Variants in SASH1 observed in about 807,000 individuals in gnomAD.
SASH1 encodes the protein SAM and SH3 domain-containing protein 1.
SASH1 carries 44 observed loss-of-function variants against 125.2 expected under a neutral mutation model. The ratio of observed to expected loss-of-function variants is 0.35; its 90% CI spans 0.28 to 0.45. The LOEUF (loss-of-function observed/expected upper bound fraction) is 0.45. Ranked by LOEUF, SASH1 falls within the 20% of genes least tolerant of loss-of-function variation. The pLI is 1.00. For synonymous variants in SASH1, 639 were observed against 649.1 expected (o/e 0.98, Z 0.24); for missense variants, 1,426 against 1,614.5 (o/e 0.88, Z 2.00).
intron 2 of SASH1, among the ~76,000 whole-genome samples, chr6:148,423,522 G>A (rs959359189): frequency 3.3e-5 from 5 of 152,172 alleles, no homozygotes; most frequent in African/African-American, 1.2e-4. Context: ...ATCTATTAGA[G>A]GAACCATTCA....
chr6:148,305,736 A>G (rs1310424993), intron 1 of SASH1, among the ~76,000 whole-genome samples: 1 of 152,218 alleles, frequency 6.6e-6, no homozygotes, highest in Non-Finnish European at 1.5e-5. Context: ...CAAGAGTCAA[A>G]TAAGGGGACT....
At chr6:148,195,831 G>A in the SASH1 span, among the ~76,000 whole-genome samples, 1 of 152,198 alleles carries the variant, frequency 6.6e-6, no homozygotes, top group Admixed American at 6.5e-5. Context: ...TGAACCAATG[G>A]CTACTCAACC....
chr6:148,461,848 T>G (rs2115082800), intron 4 of SASH1, among the ~76,000 whole-genome samples: 1 of 152,346 alleles, frequency 6.6e-6, no homozygotes, highest in African/African-American at 2.4e-5. Flanking sequence ...GAGGAATTAC[T>G]TCTTTAACAT....
chr6:148,306,816 A>C (rs1446285676), intron 1 of SASH1, among the ~76,000 whole-genome samples: 1 of 152,124 alleles, frequency 6.6e-6, no homozygotes, highest in Non-Finnish European at 1.5e-5. Flanking sequence ...GCTGCACTCA[A>C]GAATTGGGAG....
Position 148,458,966 on chromosome 6 carries a change from CAAA to C in SASH1, c.387-9568_387-9566del, listed in dbSNP as rs36114725. On this transcript the variant is annotated intron_variant, in intron 4 of 19. Coordinates refer to ENST00000367467, the MANE Select transcript of SASH1 (RefSeq NM_015278.5). ...TGGGTGATAGAGCAAGAACCTGTCTCAAAAAAAAAAAAAGTATACACACACACA... is the reference window on the plus strand; with the variant it reads ...TGGGTGATAGAGCAAGAACCTGTCTCAAAAAAAAAAGTATACACACACACA... Among the ~76,000 whole-genome samples the C allele has an allele frequency of 1.4e-3, 186 of 132,912 alleles. 1 individual carries two copies. In the East Asian group the frequency reaches 0.022, roughly 16 times the overall value. The allele number at this position is 132,912 out of a possible 152,430, so 87.2% of individuals were successfully genotyped here.
intron 1 of SASH1, among the ~76,000 whole-genome samples, chr6:148,382,032 C>T (rs1001490686): frequency 2.6e-5 from 4 of 152,168 alleles, no homozygotes; most frequent in Non-Finnish European, 4.4e-5. Context: ...GGGGATTGTA[C>T]TGCGTTCACC....
the SASH1 span, among the ~76,000 whole-genome samples, chr6:148,263,618 C>T: frequency 0.042 from 6,367 of 152,250 alleles, 185 homozygotes; most frequent in Non-Finnish European, 0.059. Flanking sequence ...ACAGCTAAGG[C>T]GAAGCGTCTG....
intron 1 of SASH1, among the ~76,000 whole-genome samples, chr6:148,298,247 G>C (rs975889167): frequency 1.1e-4 from 17 of 151,984 alleles, no homozygotes; most frequent in African/African-American, 4.1e-4. Flanking sequence ...TCCTGACCTT[G>C]GGTGATCTGC....
intron 2 of SASH1, among the ~76,000 whole-genome samples, chr6:148,422,443 A>T (rs545551570): frequency 6.6e-6 from 1 of 152,210 alleles, no homozygotes; most frequent in Non-Finnish European, 1.5e-5. Context: ...GTGGCTGTGG[A>T]TGAATGAACA....
intron 11 of SASH1, among the ~76,000 whole-genome samples, chr6:148,525,729 C>T (rs1781104293): frequency 6.6e-6 from 1 of 152,230 alleles, no homozygotes; most frequent in African/African-American, 2.4e-5. Flanking sequence ...CACATAGTGC[C>T]ATGAAGTGGA....
the SASH1 span, among the ~76,000 whole-genome samples, chr6:148,206,793 G>GCACACACACACACACACACACA: frequency 7.4e-6 from 1 of 134,460 alleles, no homozygotes; most frequent in African/African-American, 2.8e-5. Context: ...CCATCTCAAA[G>GCACACACACACACACACACACA]CACACACACA....
intron 1 of SASH1, among the ~76,000 whole-genome samples, chr6:148,283,041 C>CTT (rs1779386331): frequency 6.6e-6 from 1 of 152,204 alleles, no homozygotes; most frequent in South Asian, 2.1e-4. Context: ...AAGCCAACTG[C>CTT]TTCCCAATTT....
intron 1 of SASH1, 110 bp from the exon 2 acceptor site, chr6:148,390,024 C>G (rs1783633692): frequency 6.9e-6 from 9 of 1,304,936 alleles, no homozygotes; most frequent in Admixed American, 4.2e-5. Context: ...ATGTTTCCCA[C>G]TTAAATACCA....
intron 1 of SASH1, among the ~76,000 whole-genome samples, chr6:148,389,596 C>T (rs1253597206): frequency 6.6e-6 from 1 of 152,162 alleles, no homozygotes; most frequent in Non-Finnish European, 1.5e-5. Flanking sequence ...AGATTTGTCC[C>T]AGATGCAATT....
At chr6:148,213,809 A>G in the SASH1 span, among the ~76,000 whole-genome samples, 1 of 151,966 alleles carries the variant, frequency 6.6e-6, no homozygotes, top group East Asian at 1.9e-4. Flanking sequence ...TTTGCAAACC[A>G]CTGTCAGGGC....
chr6:148,222,719 A>C, the SASH1 span, among the ~76,000 whole-genome samples: 1 of 152,150 alleles, frequency 6.6e-6, no homozygotes, highest in African/African-American at 2.4e-5. Context: ...ATTATCTTAT[A>C]AATTTTATTA....
intron 8 of SASH1, chr6:148,512,731 A>G (rs1780216814): frequency 1.0e-6 from 1 of 985,218 alleles, no homozygotes; most frequent in African/African-American, 1.7e-5. Context: ...CTAGGTAACC[A>G]GTACTTAGCT....
At chr6:148,538,205 G>C (rs1276795228) in intron 16 of SASH1, among the ~76,000 whole-genome samples, 4 of 152,170 alleles carry the variant, frequency 2.6e-5, no homozygotes, top group Admixed American at 6.5e-5. Flanking sequence ...TGTCTGCTGA[G>C]GCTGGGGTCC....
rs572100581 is a variant in SASH1, at chr6:148,375,026, T to A, written c.157-15108T>A. 8.5e-4 allele frequency among the ~76,000 whole-genome samples: 126 copies of A among 149,074 alleles called. 2 individuals carry two copies. Among genetic ancestry groups the A allele is most frequent in the African/African-American group, 2.9e-3 (115 of 40,236 alleles). On this transcript the variant is annotated intron_variant, in intron 1 of 19. Transcript: ENST00000367467. ...TTTGTTTTTTGAGACAGGGTCTCACTCTGTCTCAGGCTGGAGTGCAATGGC... is the reference window on the plus strand; with the variant it reads ...TTTGTTTTTTGAGACAGGGTCTCACACTGTCTCAGGCTGGAGTGCAATGGC...
Sources: gnomAD v4.1 joint callset for allele counts (sites outside exome capture counted in the v4.1 genomes callset) on GRCh38, gnomAD v4.1.1 for gene constraint, MANE v1.5 for transcripts, NCBI Gene and HGNC (gene_info 2026-07-23, HGNC 2026-07-21) for gene names.